The following KCNMB4 variants were observed in gnomAD, a reference collection of about 807,000 sequenced individuals.
KCNMB4 encodes potassium calcium-activated channel subfamily M regulatory beta subunit 4.
Under a neutral mutation model 20.7 loss-of-function variants are expected in KCNMB4, and 3 were observed. That is an observed-to-expected ratio of 0.14 (90% CI 0.07 to 0.37). KCNMB4 has a LOEUF of 0.37. KCNMB4 is among the 10% of genes least tolerant of loss of function. The pLI, the probability that KCNMB4 is intolerant of heterozygous loss-of-function variation, is 1.00. For synonymous variants in KCNMB4, 110 were observed against 113.4 expected (o/e 0.97, Z 0.19); for missense variants, 168 against 265.9 (o/e 0.63, Z 2.56).
intron 1 of KCNMB4, among the ~76,000 whole-genome samples, chr12:70,378,859 A>G (rs1217758575): frequency 6.6e-6 from 1 of 152,182 alleles, no homozygotes; most frequent in Non-Finnish European, 1.5e-5. Flanking sequence ...TTTAAATAAT[A>G]AGACATGAAA....
chr12:70,407,086 G>A (rs963912652), intron 2 of KCNMB4, among the ~76,000 whole-genome samples: 16 of 152,098 alleles, frequency 1.1e-4, no homozygotes, highest in South Asian at 4.1e-4. Context: ...GATGTCAAGC[G>A]CATGTCCCAG....
intron 1 of KCNMB4, among the ~76,000 whole-genome samples, chr12:70,369,199 A>G (rs141575670): frequency 2.7e-4 from 41 of 152,338 alleles, no homozygotes; most frequent in African/African-American, 8.4e-4. Context: ...ATATCTCTTT[A>G]TCCAGATTAT....
intron 1 of KCNMB4, among the ~76,000 whole-genome samples, chr12:70,387,158 A>T (rs1312298797): frequency 6.6e-6 from 1 of 151,660 alleles, no homozygotes; most frequent in Non-Finnish European, 1.5e-5. Flanking sequence ...CTTTTATCAT[A>T]TATTTCCAAA....
chr12:70,381,425 C>T (rs927741669), intron 1 of KCNMB4, among the ~76,000 whole-genome samples: 1 of 152,154 alleles, frequency 6.6e-6, no homozygotes, highest in Admixed American at 6.5e-5. Context: ...AAACTTTGTA[C>T]ATGACTCTTC....
intron 2 of KCNMB4, among the ~76,000 whole-genome samples, chr12:70,407,688 C>T (rs1050798186): frequency 2.0e-5 from 3 of 151,298 alleles, no homozygotes; most frequent in Non-Finnish European, 3.0e-5. Context: ...AGGATGGTCT[C>T]GATCTCCTGA....
At chr12:70,376,953 A>G (rs1427684710) in intron 1 of KCNMB4, among the ~76,000 whole-genome samples, 1 of 152,180 alleles carries the variant, frequency 6.6e-6, no homozygotes, top group East Asian at 1.9e-4. Context: ...TAAATTTAAC[A>G]AAAGTACAAG....
rs527262641 is a variant in KCNMB4, at chr12:70,430,563, T to C, written c.543T>C (p.Phe181=). ...LHCFLWPLVT[F]VVGVLIVVLT... ...GCTTCCTCTGGCCCCTGGTGACATT[T>C]GTGGTGGGCGTTCTCATTGTGGTCC... The change falls in exon 3 of 3, where the codon TTT becomes TTC. Residue 181 remains phenylalanine, a synonymous_variant. Transcript: ENST00000258111. The C allele has an allele frequency of 6.2e-7, 1 of 1,614,040 alleles. No homozygotes were observed. Among genetic ancestry groups the C allele is most frequent in the African/African-American group, 1.3e-5 (1 of 75,034 alleles).
intron 1 of KCNMB4, among the ~76,000 whole-genome samples, chr12:70,374,323 C>T (rs1166671182): frequency 1.3e-5 from 2 of 151,912 alleles, no homozygotes; most frequent in African/African-American, 4.8e-5. Context: ...AGTTTTATTT[C>T]CTTTGGGTTT....
rs185923201 is a variant in KCNMB4, at chr12:70,388,539, T to C, written c.337-11670T>C. Among the ~76,000 whole-genome samples, 440 of 152,334 alleles carry C rather than the reference T, an allele frequency of 2.9e-3. 4 individuals are homozygous for C. The highest frequency in any genetic ancestry group is 6.8e-3 in the Middle Eastern group (2 of 294). On this transcript the variant is annotated intron_variant, in intron 1 of 2. Transcript: ENST00000258111. ...GCCAGCATTTGTTATTGTCTGTCTTTTGAATAAAAGCCATTTTAACTGGGG... is the reference window on the plus strand; with the variant it reads ...GCCAGCATTTGTTATTGTCTGTCTTCTGAATAAAAGCCATTTTAACTGGGG...
chr12:70,427,425 G>A (rs1869243054), intron 2 of KCNMB4, among the ~76,000 whole-genome samples: 1 of 152,204 alleles, frequency 6.6e-6, no homozygotes, highest in South Asian at 2.1e-4. Context: ...TCCTGTTGAA[G>A]GAGATTATGG....
chr12:70,394,984 A>G (rs967739178), intron 1 of KCNMB4, among the ~76,000 whole-genome samples: 7 of 152,068 alleles, frequency 4.6e-5, no homozygotes, highest in Non-Finnish European at 2.9e-5. Flanking sequence ...GAGTTTATAA[A>G]TGGCTCAGTT....
chr12:70,371,323 AC>A (rs1256120874), intron 1 of KCNMB4, among the ~76,000 whole-genome samples: 2 of 152,212 alleles, frequency 1.3e-5, no homozygotes, highest in Non-Finnish European at 1.5e-5. Context: ...TTCAGGCATT[AC>A]GTTTGCTGAA....
At chr12:70,395,239 A>G (rs1370601263) in intron 1 of KCNMB4, among the ~76,000 whole-genome samples, 1 of 152,100 alleles carries the variant, frequency 6.6e-6, no homozygotes, top group Non-Finnish European at 1.5e-5. Flanking sequence ...GTCTTTCAGT[A>G]CTACCCTCCC....
chr12:70,375,479 TA>T (rs72220922), intron 1 of KCNMB4, among the ~76,000 whole-genome samples: 115 of 146,918 alleles, frequency 7.8e-4, no homozygotes, highest in Admixed American at 8.8e-4. Flanking sequence ...CTACAAAAAT[TA>T]AAAAAAAAAA....
chr12:70,407,494 G>A (rs1247925355), intron 2 of KCNMB4, among the ~76,000 whole-genome samples: 2 of 115,650 alleles, frequency 1.7e-5, no homozygotes, highest in African/African-American at 6.4e-5. Context: ...TTGAGATGGA[G>A]TCTCACTCTG....
intron 2 of KCNMB4, among the ~76,000 whole-genome samples, chr12:70,424,984 C>T (rs1280111652): frequency 6.6e-6 from 1 of 152,212 alleles, no homozygotes; most frequent in African/African-American, 2.4e-5. Flanking sequence ...CCAAATCCAA[C>T]ACTTTTCTCA....
intron 2 of KCNMB4, among the ~76,000 whole-genome samples, chr12:70,409,573 A>G (rs1482750993): frequency 6.6e-6 from 1 of 152,190 alleles, no homozygotes; most frequent in Non-Finnish European, 1.5e-5. Flanking sequence ...GCCTTCATGG[A>G]GCCTATAGTC....
Position 70,433,393 on chromosome 12 carries a change from G to C in KCNMB4, c.*2740G>C, listed in dbSNP as rs949717860. 1 of 152,154 alleles carries C rather than the reference G, an allele frequency of 6.6e-6. No homozygotes were observed. Among genetic ancestry groups the C allele is most frequent in the Admixed American group, 6.5e-5 (1 of 15,278 alleles). The allele number at this position is 152,154 out of a possible 1,614,324, so 9.4% of individuals were successfully genotyped here. On this transcript the variant is annotated 3_prime_UTR_variant, in exon 3 of 3. Transcript: ENST00000258111. ...CCTTGTTAGTTCTCTTAATACCCAAGGGTATTGTTCTTTCCATGGTCAAAG... is the reference window on the plus strand; with the variant it reads ...CCTTGTTAGTTCTCTTAATACCCAACGGTATTGTTCTTTCCATGGTCAAAG...
chr12:70,411,763 G>A (rs2136135989), intron 2 of KCNMB4, among the ~76,000 whole-genome samples: 1 of 152,280 alleles, frequency 6.6e-6, no homozygotes, highest in South Asian at 2.1e-4. Context: ...GGGCAGCATA[G>A]GGAGACCCTG....
Sources: gnomAD v4.1 joint callset for allele counts (sites outside exome capture counted in the v4.1 genomes callset) on GRCh38, gnomAD v4.1.1 for gene constraint, MANE v1.5 for transcripts, NCBI Gene and HGNC (gene_info 2026-07-23, HGNC 2026-07-21) for gene names.